The following ENOX1 variants were observed in gnomAD, a reference collection of about 807,000 sequenced individuals.
The protein encoded by ENOX1 is candidate growth-related and time keeping constitutive hydroquinone (NADH) oxidase.
ENOX1 carries 42 observed loss-of-function variants against 82.5 expected under a neutral mutation model. The observed-to-expected ratio is 0.51, with a 90% CI of 0.40 to 0.66. ENOX1 has a LOEUF of 0.66. ENOX1 is among the 30% of genes least tolerant of loss of function. The pLI is 0.00. For missense variants in ENOX1, 608 were observed against 811.6 expected, an observed-to-expected ratio of 0.75 and a Z score of 3.05; for synonymous variants, 271 against 282.2, an observed-to-expected ratio of 0.96 and a Z score of 0.40.
chr13:43,741,672 T>C (rs945555849), intron 1 of ENOX1, among the ~76,000 whole-genome samples: 2 of 152,248 alleles, frequency 1.3e-5, no homozygotes, highest in Non-Finnish European at 1.5e-5. Context: ...TGCAACTTTT[T>C]CTCCCATTTC....
Position 43,347,724 on chromosome 13 carries a change from G to A in ENOX1, c.824-2974C>T, listed in dbSNP as rs536991603. Among the ~76,000 whole-genome samples the A allele has an allele frequency of 4.6e-5, 7 of 152,284 alleles. No homozygotes were observed. In the South Asian group the frequency reaches 6.2e-4, roughly 14 times the overall value. ...CAGCATTATTAAAGCTATTCATGTG[G>A]AAAGAAATTAACACTGCTTGTAAAA... is the stretch of plus-strand genomic sequence containing the variant. On this transcript the variant is annotated intron_variant, in intron 8 of 16. Transcript: ENST00000690772.
intron 9 of ENOX1, among the ~76,000 whole-genome samples, chr13:43,337,454 G>A (rs548985430): frequency 6.6e-6 from 1 of 152,224 alleles, no homozygotes; most frequent in South Asian, 2.1e-4. Context: ...GCAGAAGGTA[G>A]GTGAAAGGGA....
intron 1 of ENOX1, among the ~76,000 whole-genome samples, chr13:43,710,802 T>C (rs1014316765): frequency 1.3e-5 from 2 of 151,648 alleles, no homozygotes; most frequent in African/African-American, 4.8e-5. Flanking sequence ...ATCTACAAAA[T>C]TGCTCTACAG....
rs572088619 is a variant in ENOX1 at position 43,590,754 on chromosome 13, C to T, written c.-219+76725G>A. Among the ~76,000 whole-genome samples, 401 of 113,464 alleles carry T rather than the reference C, an allele frequency of 3.5e-3. 1 individual carries two copies. The highest frequency in any genetic ancestry group is 0.012 in the African/African-American group (355 of 29,198). The allele number at this position is 113,464 out of a possible 152,430, so 74.4% of individuals were successfully genotyped here. ...TCACACCACTGTGCTCTAGCCTGGG[C>T]GAAAAAGTGAAACTTCATCTCAAAA... On this transcript the variant is annotated intron_variant, in intron 2 of 16. Transcript: ENST00000690772.
intron 5 of ENOX1, among the ~76,000 whole-genome samples, chr13:43,397,558 TG>T (rs2053232036): frequency 6.6e-6 from 1 of 152,220 alleles, no homozygotes; most frequent in African/African-American, 2.4e-5. Context: ...AAGATGCCCT[TG>T]TGGTCAGAAA....
chr13:43,286,197 A>C (rs112524454), intron 12 of ENOX1, among the ~76,000 whole-genome samples: 3 of 152,206 alleles, frequency 2.0e-5, no homozygotes, highest in Admixed American at 6.5e-5. Flanking sequence ...ACAAGGAATC[A>C]TTTTAGTGTC....
At chr13:43,589,967 T>C (rs937023002) in intron 2 of ENOX1, among the ~76,000 whole-genome samples, 7 of 151,524 alleles carry the variant, frequency 4.6e-5, no homozygotes, top group Non-Finnish European at 1.0e-4. Flanking sequence ...CAGCCAAGTA[T>C]GAGCTCACAA....
At chr13:43,447,962 G>T (rs1252954502) in intron 3 of ENOX1, among the ~76,000 whole-genome samples, 1 of 152,140 alleles carries the variant, frequency 6.6e-6, no homozygotes, top group Non-Finnish European at 1.5e-5. Context: ...GAAATGTTTA[G>T]TCCTAGCCGT....
intron 2 of ENOX1, among the ~76,000 whole-genome samples, chr13:43,487,862 T>A (rs1468790478): frequency 6.6e-6 from 1 of 152,200 alleles, no homozygotes; most frequent in Non-Finnish European, 1.5e-5. Flanking sequence ...GCAAAGGCTG[T>A]TTGATTTGTA....
At chr13:43,715,631 C>G (rs547680614) in intron 1 of ENOX1, among the ~76,000 whole-genome samples, 74 of 152,316 alleles carry the variant, frequency 4.9e-4, no homozygotes, top group African/African-American at 1.7e-3. Context: ...GGTCTTTTCA[C>G]ATAGTCCCAT....
chr13:43,600,268 AT>A (rs1302668642), intron 2 of ENOX1, among the ~76,000 whole-genome samples: 2 of 152,284 alleles, frequency 1.3e-5, no homozygotes, highest in African/African-American at 4.8e-5. Context: ...CTTGCACGGC[AT>A]TTCTGGACCA....
At chr13:43,595,281 C>G (rs1002827905) in intron 2 of ENOX1, among the ~76,000 whole-genome samples, 1 of 152,076 alleles carries the variant, frequency 6.6e-6, no homozygotes, top group East Asian at 1.9e-4. Context: ...TTTACATTTT[C>G]TTTTTCTTTG....
chr13:43,376,754 C>T (rs2051663638), intron 5 of ENOX1, among the ~76,000 whole-genome samples: 1 of 152,140 alleles, frequency 6.6e-6, no homozygotes, highest in Non-Finnish European at 1.5e-5. Flanking sequence ...TTCCCCTTGG[C>T]CACCATCTGT....
Position 43,253,850 on chromosome 13 carries a change from C to T in ENOX1, c.1611+11548G>A, listed in dbSNP as rs1198396633. Reference sequence around the variant, plus strand: ...CTCCCGACTCTTTCCATAGATGCTACTGAATGTTCCTCCTGTTCCTTGTTG... The same window carrying T: ...CTCCCGACTCTTTCCATAGATGCTATTGAATGTTCCTCCTGTTCCTTGTTG... On this transcript the variant is annotated intron_variant, in intron 14 of 16. Coordinates refer to ENST00000690772, the MANE Select transcript of ENOX1 (RefSeq NM_001347969.2). Among the ~76,000 whole-genome samples, 3 of 152,316 alleles carry T rather than the reference C, an allele frequency of 2.0e-5. No individual in the cohort carries two copies. In the East Asian group the frequency reaches 5.8e-4, roughly 29 times the overall value.
intron 3 of ENOX1, among the ~76,000 whole-genome samples, chr13:43,422,925 T>G (rs1011570054): frequency 1.3e-5 from 2 of 152,130 alleles, no homozygotes; most frequent in Non-Finnish European, 2.9e-5. Context: ...AAAGTGCCCC[T>G]CTTTCCATTA....
chr13:43,330,220 A>G (rs1188750910), intron 9 of ENOX1, among the ~76,000 whole-genome samples: 2 of 152,216 alleles, frequency 1.3e-5, no homozygotes, highest in Non-Finnish European at 2.9e-5. Context: ...TCTCAGAGAA[A>G]GATATAACCA....
chr13:43,274,709 G>A (rs1190143041), intron 12 of ENOX1, among the ~76,000 whole-genome samples: 1 of 152,200 alleles, frequency 6.6e-6, no homozygotes, highest in Non-Finnish European at 1.5e-5. Context: ...TTACAATGGA[G>A]TGTGTTCCAA....
intron 5 of ENOX1, among the ~76,000 whole-genome samples, chr13:43,410,638 A>ACG: frequency 6.6e-6 from 1 of 151,322 alleles, no homozygotes; most frequent in South Asian, 2.1e-4. Context: ...ACACACACAC[A>ACG]CACACACACA....
intron 5 of ENOX1, among the ~76,000 whole-genome samples, chr13:43,361,918 T>C (rs2050535986): frequency 1.3e-5 from 2 of 151,906 alleles, no homozygotes; most frequent in South Asian, 4.2e-4. Context: ...AAGTTCAATT[T>C]ATATGTGCAT....
Sources: allele counts gnomAD v4.1 joint callset (sites outside exome capture counted in the v4.1 genomes callset), GRCh38; gene constraint gnomAD v4.1.1; transcripts MANE v1.5; gene names NCBI Gene and HGNC (gene_info 2026-07-23, HGNC 2026-07-21).